Variants in SCAI observed in about 807,000 individuals in gnomAD.
The protein encoded by SCAI is protein SCAI.
Under a neutral mutation model 92.2 loss-of-function variants are expected in SCAI, and 24 were observed. The ratio of observed to expected loss-of-function variants is 0.26; its 90% CI spans 0.19 to 0.37. The LOEUF (loss-of-function observed/expected upper bound fraction) is 0.37. Ranked by LOEUF, SCAI falls within the 10% of genes least tolerant of loss-of-function variation. The probability of loss-of-function intolerance (pLI) is 1.00; values close to 1 mark genes in which losing one functional copy is unlikely to be tolerated. For synonymous variants in SCAI, 261 were observed against 258.6 expected, an observed-to-expected ratio of 1.01 and a Z score of -0.09; for missense variants, 450 against 736.2, an observed-to-expected ratio of 0.61 and a Z score of 4.50.
chr9:125,068,593 C>T (rs1833916505), intron 2 of SCAI, among the ~76,000 whole-genome samples: 1 of 152,158 alleles, frequency 6.6e-6, no homozygotes, highest in Admixed American at 6.5e-5. Context: ...GAGTCCAAGG[C>T]AGACAGACTG....
intron 2 of SCAI, among the ~76,000 whole-genome samples, chr9:125,087,447 C>T (rs913443644): frequency 6.6e-6 from 1 of 152,094 alleles, no homozygotes; most frequent in African/African-American, 2.4e-5. Flanking sequence ...TAACTAGTCC[C>T]CAGAGGCCAT....
At chr9:125,034,917 G>A (rs889224155) in intron 3 of SCAI, among the ~76,000 whole-genome samples, 4 of 152,158 alleles carry the variant, frequency 2.6e-5, no homozygotes, top group Non-Finnish European at 5.9e-5. Context: ...ATGTCAAAAT[G>A]TTGTTTATTA....
chr9:125,115,370 C>CAAA lies in SCAI; in HGVS notation c.98+27260_98+27262dup, dbSNP rs58814200. Among the ~76,000 whole-genome samples the CAAA allele has an allele frequency of 7.6e-3, 392 of 51,866 alleles. 4 individuals are homozygous for CAAA. Among genetic ancestry groups the CAAA allele is most frequent in the East Asian group, 0.015 (26 of 1,716 alleles). The allele number at this position is 51,866 out of a possible 152,430, so 34.0% of individuals were successfully genotyped here. ...CTGGGTGACAGAGCGAGACTCTCCTCAAAAAAAAAAAAAAAAAAAAAAAAC... is the reference window on the plus strand; with the variant it reads ...CTGGGTGACAGAGCGAGACTCTCCTCAAAAAAAAAAAAAAAAAAAAAAAAAAAC... On this transcript the variant is annotated intron_variant, in intron 2 of 17. Coordinates refer to ENST00000336505, the MANE Select transcript of SCAI (RefSeq NM_001144877.3).
At chr9:125,039,381 A>C (rs1165899136) in intron 3 of SCAI, among the ~76,000 whole-genome samples, 1 of 143,932 alleles carries the variant, frequency 6.9e-6, no homozygotes, top group Non-Finnish European at 1.5e-5. Context: ...GCGAGACTCC[A>C]TCTCAAAAAA....
chr9:125,083,483 A>C (rs1588207198), intron 2 of SCAI, among the ~76,000 whole-genome samples: 1 of 143,990 alleles, frequency 6.9e-6, no homozygotes, highest in African/African-American at 2.6e-5. Flanking sequence ...GCACCAATGC[A>C]CTCCAGCCTA....
intron 2 of SCAI, among the ~76,000 whole-genome samples, chr9:125,082,921 T>A (rs1253570127): frequency 6.6e-6 from 1 of 152,212 alleles, no homozygotes; most frequent in Admixed American, 6.5e-5. Flanking sequence ...TTTGGACTTT[T>A]GAGTTAATGC....
At chr9:125,042,368 C>A (rs1446645039) in intron 3 of SCAI, among the ~76,000 whole-genome samples, 1 of 151,980 alleles carries the variant, frequency 6.6e-6, no homozygotes, top group Non-Finnish European at 1.5e-5. Flanking sequence ...CAGGAAATCT[C>A]TGTAAATTTC....
At position 124,951,237 on chromosome 9, in the gene SCAI, T is replaced by C. The variant is rs1831231140; in HGVS notation, c.*1570A>G. On this transcript the variant is annotated 3_prime_UTR_variant, in exon 18 of 18. Coordinates refer to ENST00000336505, the MANE Select transcript of SCAI (RefSeq NM_001144877.3). Reference sequence around the variant, plus strand: ...AGTTAAAAATAATAGCCAGGTGCGGTGGCTCACGCCTGTAATCCCAGCACT... The same window carrying C: ...AGTTAAAAATAATAGCCAGGTGCGGCGGCTCACGCCTGTAATCCCAGCACT... The C allele has an allele frequency of 6.6e-6, 1 of 152,188 alleles. No homozygotes were observed. Among genetic ancestry groups the C allele is most frequent in the Non-Finnish European group, 1.5e-5 (1 of 68,130 alleles). The allele number at this position is 152,188 out of a possible 1,614,324, so 9.4% of individuals were successfully genotyped here. A position where few individuals can be genotyped will look rare whatever the true frequency, so the allele number is the denominator to read the frequency against.
intron 2 of SCAI, among the ~76,000 whole-genome samples, chr9:125,071,430 G>C (rs1833977271): frequency 1.3e-5 from 2 of 152,052 alleles, no homozygotes; most frequent in Admixed American, 6.6e-5. Flanking sequence ...TAATAATAAT[G>C]AAAAGAGAAA....
chr9:125,131,054 G>A (rs1835389555), intron 2 of SCAI, among the ~76,000 whole-genome samples: 1 of 147,512 alleles, frequency 6.8e-6, no homozygotes, highest in Admixed American at 7.0e-5. Flanking sequence ...CAAATACCTG[G>A]GACTGGGACT....
rs1487420835 is a variant in SCAI, at chr9:124,947,626, A to G, written c.*5181T>C. 1 of 152,224 alleles carries G rather than the reference A, an allele frequency of 6.6e-6. No homozygotes were observed. The highest frequency in any genetic ancestry group is 2.4e-5 in the African/African-American group (1 of 41,448). The allele number at this position is 152,224 out of a possible 1,614,324, so 9.4% of individuals were successfully genotyped here. On this transcript the variant is annotated 3_prime_UTR_variant, in exon 18 of 18. Transcript: ENST00000336505. ...ACATACTGTATCACTGCATACCAAT[A>G]TATTTACAAATATGTATACATATAT...
At chr9:124,989,898 G>C (rs1487575336) in intron 14 of SCAI, among the ~76,000 whole-genome samples, 1 of 150,438 alleles carries the variant, frequency 6.6e-6, no homozygotes, top group East Asian at 2.0e-4. Flanking sequence ...AAAAAGGCCA[G>C]GCACGATGGC....
chr9:125,065,996 G>C, intron 2 of SCAI: 1 of 770,034 alleles, frequency 1.3e-6, no homozygotes, highest in Non-Finnish European at 2.4e-6. Context: ...ATACTTTTCA[G>C]TGAAATGTTG....
intron 2 of SCAI, among the ~76,000 whole-genome samples, chr9:125,108,422 G>A (rs1191979842): frequency 6.6e-6 from 1 of 151,828 alleles, no homozygotes; most frequent in Non-Finnish European, 1.5e-5. Context: ...CATCTAGGAA[G>A]TGAGGAGCGT....
At chr9:125,132,117 C>CTTT (rs758872012) in intron 2 of SCAI, among the ~76,000 whole-genome samples, 1 of 142,922 alleles carries the variant, frequency 7.0e-6, no homozygotes, top group African/African-American at 2.6e-5. Flanking sequence ...TTCTTTTTTC[C>CTTT]TTTTTTTTTT....
intron 3 of SCAI, among the ~76,000 whole-genome samples, chr9:125,039,030 A>G (rs934001482): frequency 5.9e-5 from 9 of 152,212 alleles, no homozygotes; most frequent in African/African-American, 1.9e-4. Flanking sequence ...CATAGCTCTC[A>G]GTATGTATAC....
intron 2 of SCAI, among the ~76,000 whole-genome samples, chr9:125,095,265 T>G (rs961187507): frequency 1.2e-4 from 18 of 152,348 alleles, no homozygotes; most frequent in African/African-American, 4.1e-4. Flanking sequence ...TTGTTCACAG[T>G]GTACCACAGC....
chr9:125,112,310 A>C (rs992213948), intron 2 of SCAI, among the ~76,000 whole-genome samples: 30 of 152,196 alleles, frequency 2.0e-4, no homozygotes, highest in Admixed American at 2.0e-3. Context: ...AAGAAAAAAA[A>C]CTCAAGTATC....
At chr9:125,038,467 C>CAGCT (rs1833248169) in intron 3 of SCAI, among the ~76,000 whole-genome samples, 1 of 152,186 alleles carries the variant, frequency 6.6e-6, no homozygotes, top group African/African-American at 2.4e-5. Flanking sequence ...TCTTGGCCAG[C>CAGCT]AGCTGTGTGT....
Sources: gnomAD v4.1 joint callset for allele counts (sites outside exome capture counted in the v4.1 genomes callset) on GRCh38, gnomAD v4.1.1 for gene constraint, MANE v1.5 for transcripts, NCBI Gene and HGNC (gene_info 2026-07-23, HGNC 2026-07-21) for gene names.